Variants in DDIAS observed in about 807,000 individuals in gnomAD.
DDIAS encodes the protein DNA damage-induced apoptosis suppressor protein.
In DDIAS, 14 loss-of-function variants were observed where a neutral mutation model predicts 15.7. The ratio of observed to expected loss-of-function variants is 0.89; its 90% CI spans 0.59 to 1.39. The LOEUF is 1.39. DDIAS is among the 40% of genes most tolerant of loss of function. The probability of loss-of-function intolerance (pLI) is 0.00; values close to 1 mark genes in which losing one functional copy is unlikely to be tolerated. For missense variants in DDIAS, 1,035 were observed against 1,130.9 expected, an observed-to-expected ratio of 0.92 and a Z score of 1.22; for synonymous variants, 355 against 395.9, an observed-to-expected ratio of 0.90 and a Z score of 1.23.
chr11:82,931,027 A>G (rs572915173), intron 5 of DDIAS, among the ~76,000 whole-genome samples: 2 of 152,232 alleles, frequency 1.3e-5, no homozygotes, highest in African/African-American at 4.8e-5. Flanking sequence ...GCTAAAGAGA[A>G]CTATGATAGT....
chr11:82,916,937 C>T (rs11233372), intron 3 of DDIAS, among the ~76,000 whole-genome samples: 1 of 152,068 alleles, frequency 6.6e-6, no homozygotes, highest in Non-Finnish European at 1.5e-5. Flanking sequence ...AAATTAGCAG[C>T]GAAGTTTGTA....
Position 82,933,939 on chromosome 11 carries a change from T to C in DDIAS, c.2601T>C (p.Pro867=). Reference sequence around the variant, plus strand: ...CTGATAGTGATGAATGGGTCCCTCCTACCACACAAAAAATATTTCCTTCAG... The same window carrying C: ...CTGATAGTGATGAATGGGTCCCTCCCACCACACAAAAAATATTTCCTTCAG... The part of the protein sequence containing the change: ...HETDSDEWVP[P]TTQKIFPSDM... Residue 867 remains proline (P), a synonymous_variant, in exon 6 of 6, where the codon CCT becomes CCC. Coordinates refer to ENST00000533655, the MANE Select transcript of DDIAS (RefSeq NM_145018.4). 6.2e-7 allele frequency: 1 copy of C among 1,612,720 alleles called. No homozygotes were observed. Among genetic ancestry groups the C allele is most frequent in the Non-Finnish European group, 8.5e-7 (1 of 1,179,692 alleles).
rs760451982 is a variant in DDIAS at position 82,932,714 on chromosome 11, G to A, written c.1376G>A (p.Ser459Asn). The A allele has an allele frequency of 7.4e-6, 12 of 1,614,010 alleles. No homozygotes were observed. Among genetic ancestry groups the A allele is most frequent in the Non-Finnish European group, 9.3e-6 (11 of 1,180,032 alleles). The change falls in exon 6 of 6, where the codon AGC (serine) becomes AAC (asparagine). Residue 459 changes from serine (S) to asparagine (N), a missense_variant. Coordinates refer to ENST00000533655, the MANE Select transcript of DDIAS (RefSeq NM_145018.4). ...ATTGATAAATTTCATGCAGACCACA[G>A]CAGGTTATCTGTGACTCCCCAGAGA... ...NDIDKFHADH[S>N]RLSVTPQRTT...
intron 4 of DDIAS, 115 bp downstream of exon 4, chr11:82,929,053 T>A (rs760305665): frequency 1.7e-5 from 21 of 1,201,774 alleles, no homozygotes; most frequent in Non-Finnish European, 2.4e-5. Flanking sequence ...AGATTGTCAA[T>A]TCCTTTAAAA....
At chr11:82,911,316 T>C (rs776279165) in intron 1 of DDIAS, among the ~76,000 whole-genome samples, 27 of 152,354 alleles carry the variant, frequency 1.8e-4, no homozygotes, top group Non-Finnish European at 3.5e-4. Flanking sequence ...TCTTTCAGAA[T>C]TGGAGTCAAT....
At chr11:82,914,556 G>T in intron 2 of DDIAS, 167 bp from the exon 3 acceptor site, 2 of 488,714 alleles carry the variant, frequency 4.1e-6, no homozygotes, top group Non-Finnish European at 3.6e-6. Flanking sequence ...ATATTTTAAG[G>T]AGAAAAAGAA....
At position 82,906,788 on chromosome 11, in the gene DDIAS, T is replaced by A. The variant is rs962758748; in HGVS notation, c.-117+4966T>A. Among the ~76,000 whole-genome samples the A allele has an allele frequency of 9.9e-5, 15 of 152,278 alleles. 1 individual carries two copies. Among genetic ancestry groups the A allele is most frequent in the Middle Eastern group, 3.4e-3 (1 of 294 alleles). On this transcript the variant is annotated intron_variant, in intron 1 of 5. Coordinates refer to ENST00000533655, the MANE Select transcript of DDIAS (RefSeq NM_145018.4). ...TAAGTATGAAATAAGGTACTATATA[T>A]GAAACTAGGCTGTGTACTTCGTATA...
chr11:82,929,153 A>G (rs1463133254), intron 4 of DDIAS, among the ~76,000 whole-genome samples: 1 of 152,238 alleles, frequency 6.6e-6, no homozygotes, highest in African/African-American at 2.4e-5. Context: ...ATTAATCTGT[A>G]ATTAGAATAT....
chr11:82,902,105 G>A (rs1860320513), intron 1 of DDIAS, among the ~76,000 whole-genome samples: 1 of 152,192 alleles, frequency 6.6e-6, no homozygotes, highest in Admixed American at 6.5e-5. Context: ...AGAGGAAAAG[G>A]CGCGACTCTT....
At chr11:82,914,623 T>A in intron 2 of DDIAS, 100 bp from the exon 3 acceptor site, 1 of 561,350 alleles carries the variant, frequency 1.8e-6, no homozygotes, top group Non-Finnish European at 3.1e-6. Flanking sequence ...AAATGACATC[T>A]ATTAGCTTTG....
At chr11:82,913,849 C>A in intron 2 of DDIAS, 1 of 390,502 alleles carries the variant, frequency 2.6e-6, no homozygotes, top group South Asian at 1.9e-5. Context: ...TAATGAGATG[C>A]AGGAATGGGA....
In DDIAS at chr11:82,932,387, C is replaced by G; in HGVS notation, c.1049C>G (p.Ser350Ter). 6.2e-7 allele frequency: 1 copy of G among 1,613,900 alleles called. No individual in the cohort carries two copies. Among genetic ancestry groups the G allele is most frequent in the Non-Finnish European group, 8.5e-7 (1 of 1,179,896 alleles). Residue 350 changes from serine (S) to a stop codon, truncating the protein, a stop_gained, in exon 6 of 6, where the codon TCA (serine) becomes TGA (stop). Coordinates refer to ENST00000533655, the MANE Select transcript of DDIAS (RefSeq NM_145018.4). LOFTEE classifies it low-confidence loss of function (END_TRUNC). ...TTGGAAATGCGAGAGCCCCTTGAGT[C>G]AAGTAATACAAAATCCTTCCACAGT... ...FSLEMREPLESSNTKSFHSAV... is the reference protein window; with the variant it reads ...FSLEMREPLE
chr11:82,917,909 A>AT (rs1191438442), intron 3 of DDIAS, among the ~76,000 whole-genome samples: 3 of 151,926 alleles, frequency 2.0e-5, no homozygotes, highest in African/African-American at 4.8e-5. Context: ...GATGTTGAGC[A>AT]TTTTTTCATG....
chr11:82,921,568 TTTC>T (rs1860749123), intron 3 of DDIAS, among the ~76,000 whole-genome samples: 1 of 144,736 alleles, frequency 6.9e-6, no homozygotes, highest in Admixed American at 6.9e-5. Context: ...TTTTTCTTTC[TTTC>T]TTTTTTTTTT....
intron 1 of DDIAS, among the ~76,000 whole-genome samples, chr11:82,910,023 C>A (rs1860496150): frequency 6.6e-6 from 1 of 152,140 alleles, no homozygotes; most frequent in African/African-American, 2.4e-5. Flanking sequence ...TTGTCATCAT[C>A]TTTAGAGTAC....
At position 82,932,001 on chromosome 11, in the gene DDIAS, C is replaced by G. The variant is rs754089189; in HGVS notation, c.663C>G (p.Asp221Glu). Residue 221 changes from aspartate (D) to glutamate (E), a missense_variant, in exon 6 of 6, where the codon GAC becomes GAG. Physicochemically the swap from Asp to Glu is conservative, Grantham distance 45 (BLOSUM62 2). Transcript: ENST00000533655. ...NSDLSSIYTS[D>E]STSDFFKSCS... ...ATCTCAGCAGCATATATACTTCTGACAGCACTTCTGATTTTTTCAAGTCCT... is the reference window on the plus strand; with the variant it reads ...ATCTCAGCAGCATATATACTTCTGAGAGCACTTCTGATTTTTTCAAGTCCT... 6.2e-7 allele frequency: 1 copy of G among 1,614,154 alleles called. No individual in the cohort carries two copies. Among genetic ancestry groups the G allele is most frequent in the Non-Finnish European group, 8.5e-7 (1 of 1,180,014 alleles).
chr11:82,931,463 C>T (rs999822558), intron 5 of DDIAS, among the ~76,000 whole-genome samples: 2 of 152,172 alleles, frequency 1.3e-5, no homozygotes, highest in Non-Finnish European at 2.9e-5. Context: ...GGTGATCTCC[C>T]ACCCCAGCCT....
chr11:82,906,416 G>A (rs1181809936), intron 1 of DDIAS, among the ~76,000 whole-genome samples: 4 of 152,208 alleles, frequency 2.6e-5, no homozygotes, highest in Non-Finnish European at 4.4e-5. Flanking sequence ...TCCTTTAAAA[G>A]TATAGTAATA....
chr11:82,917,103 A>G (rs149832035), intron 3 of DDIAS, among the ~76,000 whole-genome samples: 61 of 152,206 alleles, frequency 4.0e-4, no homozygotes, highest in African/African-American at 1.3e-3. Flanking sequence ...TGCATATACT[A>G]CATTGACACA....
Sources: allele counts gnomAD v4.1 joint callset (sites outside exome capture counted in the v4.1 genomes callset), GRCh38; gene constraint gnomAD v4.1.1; transcripts MANE v1.5; gene names NCBI Gene and HGNC (gene_info 2026-07-23, HGNC 2026-07-21).